CNTNAP5: variants seen among roughly 807,000 people sequenced by gnomAD.
CNTNAP5 encodes the protein contactin-associated protein-like 5.
A neutral mutation model predicts 150.2 loss-of-function variants in CNTNAP5; 72 were observed. That is an observed-to-expected ratio of 0.48 (90% CI 0.40 to 0.58). The LOEUF is 0.58. Ranked by LOEUF, CNTNAP5 falls within the 20% of genes least tolerant of loss-of-function variation. The probability of loss-of-function intolerance (pLI) is 0.00; values close to 1 mark genes in which losing one functional copy is unlikely to be tolerated. For synonymous variants in CNTNAP5, 672 were observed against 619.8 expected, an observed-to-expected ratio of 1.08 and a Z score of -1.25; for missense variants, 1,636 against 1,626.2, an observed-to-expected ratio of 1.01 and a Z score of -0.10.
At chr2:124,784,711 A>T (rs1349004318) in intron 17 of CNTNAP5, among the ~76,000 whole-genome samples, 1 of 152,188 alleles carries the variant, frequency 6.6e-6, no homozygotes, top group African/African-American at 2.4e-5. Context: ...ATCGTCTAAT[A>T]TTTGTCTTAG....
chr2:124,052,107 T>C (rs188806802), intron 1 of CNTNAP5, among the ~76,000 whole-genome samples: 70 of 152,310 alleles, frequency 4.6e-4, no homozygotes, highest in Non-Finnish European at 9.0e-4. Flanking sequence ...GTGCTTATCC[T>C]CACATTCTGT....
At chr2:124,761,362 C>T (rs546201994) in intron 14 of CNTNAP5, among the ~76,000 whole-genome samples, 3 of 152,190 alleles carry the variant, frequency 2.0e-5, no homozygotes, top group African/African-American at 7.2e-5. Context: ...GGTTCCATTG[C>T]CTATAGGCTC....
intron 11 of CNTNAP5, among the ~76,000 whole-genome samples, chr2:124,605,307 A>G (rs569870579): frequency 1.1e-4 from 16 of 152,308 alleles, no homozygotes; most frequent in Admixed American, 3.9e-4. Context: ...TTATACAGCA[A>G]AAGAACTGAT....
chr2:124,537,603 G>A (rs1429877842), intron 10 of CNTNAP5, among the ~76,000 whole-genome samples: 1 of 152,098 alleles, frequency 6.6e-6, no homozygotes, highest in African/African-American at 2.4e-5. Flanking sequence ...TTGTAAAGGT[G>A]TTCCATCTGG....
intron 14 of CNTNAP5, among the ~76,000 whole-genome samples, chr2:124,754,160 G>A (rs529980656): frequency 2.0e-5 from 3 of 152,202 alleles, no homozygotes; most frequent in African/African-American, 7.2e-5. Context: ...TGCATTAAGG[G>A]CGCCTTAGAC....
intron 1 of CNTNAP5, among the ~76,000 whole-genome samples, chr2:124,199,464 G>A (rs1234598493): frequency 1.5e-5 from 2 of 131,236 alleles, no homozygotes; most frequent in Non-Finnish European, 3.1e-5. Context: ...TGCCCAGGCT[G>A]GAGTGCAATA....
At chr2:124,075,400 T>C (rs1682414273) in intron 1 of CNTNAP5, among the ~76,000 whole-genome samples, 1 of 152,126 alleles carries the variant, frequency 6.6e-6, no homozygotes, top group Admixed American at 6.6e-5. Flanking sequence ...CCATCATCAG[T>C]AAGTCTGGGA....
At chr2:124,234,516 C>T (rs190558202) in intron 2 of CNTNAP5, among the ~76,000 whole-genome samples, 1 of 152,108 alleles carries the variant, frequency 6.6e-6, no homozygotes, top group African/African-American at 2.4e-5. Flanking sequence ...AGTTTTAAAG[C>T]CTGTAAGTTT....
At chr2:124,487,427 T>C (rs1226717069) in intron 7 of CNTNAP5, among the ~76,000 whole-genome samples, 1 of 152,166 alleles carries the variant, frequency 6.6e-6, no homozygotes, top group African/African-American at 2.4e-5. Flanking sequence ...AAACACATTT[T>C]AGGGTGAAGG....
intron 21 of CNTNAP5, among the ~76,000 whole-genome samples, chr2:124,871,517 G>A (rs149712872): frequency 1.8e-4 from 28 of 152,038 alleles, no homozygotes; most frequent in African/African-American, 6.3e-4. Flanking sequence ...TGTAGTAGGA[G>A]GGTTTACACT....
At chr2:124,469,260 C>T (rs1000619160) in intron 6 of CNTNAP5, among the ~76,000 whole-genome samples, 10 of 152,102 alleles carry the variant, frequency 6.6e-5, no homozygotes, top group African/African-American at 2.2e-4. Flanking sequence ...GGAAAAAACT[C>T]TCCACCCTGA....
intron 7 of CNTNAP5, among the ~76,000 whole-genome samples, chr2:124,499,980 T>C (rs142592123): frequency 6.6e-6 from 1 of 151,940 alleles, no homozygotes; most frequent in African/African-American, 2.4e-5. Context: ...AAGGCCTGAG[T>C]ACCAGAAGTT....
chr2:124,268,256 TTTG>T (rs1265702394), intron 3 of CNTNAP5, among the ~76,000 whole-genome samples: 1 of 152,070 alleles, frequency 6.6e-6, no homozygotes. Context: ...CAAGTGTGAG[TTTG>T]TTGTTGTGTT....
chr2:124,194,059 G>A (rs1179053596), intron 1 of CNTNAP5, among the ~76,000 whole-genome samples: 2 of 152,090 alleles, frequency 1.3e-5, no homozygotes, highest in Non-Finnish European at 2.9e-5. Flanking sequence ...GCTGCACACA[G>A]CTCTGATTCT....
chr2:124,320,964 T>C (rs770148441), intron 3 of CNTNAP5, among the ~76,000 whole-genome samples: 44 of 152,242 alleles, frequency 2.9e-4, no homozygotes, highest in Admixed American at 6.5e-4. Context: ...TAAGGGAAGA[T>C]GGAATGCTCT....
At chr2:124,533,817 C>T (rs900291149) in intron 10 of CNTNAP5, among the ~76,000 whole-genome samples, 7 of 152,140 alleles carry the variant, frequency 4.6e-5, no homozygotes, top group Admixed American at 1.3e-4. Flanking sequence ...AGGAGTATTT[C>T]GGCTGGAGGA....
chr2:124,658,201 G>A (rs970029992), intron 13 of CNTNAP5, among the ~76,000 whole-genome samples: 1 of 152,190 alleles, frequency 6.6e-6, no homozygotes, highest in African/African-American at 2.4e-5. Flanking sequence ...ACAGACCCTG[G>A]TGGGAGGAGA....
At chr2:124,657,600 A>G (rs983630466) in intron 13 of CNTNAP5, among the ~76,000 whole-genome samples, 4 of 152,282 alleles carry the variant, frequency 2.6e-5, no homozygotes, top group Admixed American at 2.6e-4. Flanking sequence ...TCTTTTCAAA[A>G]TTAGATTATA....
rs575522672 is a variant in CNTNAP5 at position 124,360,651 on chromosome 2, G to T, written c.382-56792G>T. 5.2e-3 allele frequency among the ~76,000 whole-genome samples: 693 copies of T among 132,330 alleles called. 26 individuals are homozygous for T. Among genetic ancestry groups the T allele is most frequent in the Non-Finnish European group, 6.7e-3 (413 of 61,232 alleles). The allele number at this position is 132,330 out of a possible 152,430, so 86.8% of individuals were successfully genotyped here. ...GAATATTGGCCCCCTCTCTCTTCTG[G>T]CTTGTAGGGTTTCTGCCGAGAGATC... On this transcript the variant is annotated intron_variant, in intron 3 of 23. Coordinates refer to ENST00000682447, the MANE Select transcript of CNTNAP5 (RefSeq NM_001367498.1).
Sources: allele counts gnomAD v4.1 joint callset (sites outside exome capture counted in the v4.1 genomes callset), GRCh38; gene constraint gnomAD v4.1.1; transcripts MANE v1.5; gene names NCBI Gene and HGNC (gene_info 2026-07-23, HGNC 2026-07-21).